NSD2: variants seen among roughly 807,000 people sequenced by gnomAD.
NSD2 encodes the protein histone-lysine N-methyltransferase NSD2.
NSD2 carries 12 observed loss-of-function variants against 139.0 expected under a neutral mutation model. The observed-to-expected ratio is 0.09, with a 90% CI of 0.06 to 0.14. The LOEUF (loss-of-function observed/expected upper bound fraction) is 0.14, where lower values mean the gene tolerates loss of function less well. Among genes scored for constraint, NSD2 ranks in the 10% least tolerant of loss-of-function variants. The probability of loss-of-function intolerance (pLI) is 1.00; values close to 1 mark genes in which losing one functional copy is unlikely to be tolerated. For missense variants in NSD2, 1,155 were observed against 1,745.0 expected, an observed-to-expected ratio of 0.66 and a Z score of 6.02; for synonymous variants, 669 against 648.7, an observed-to-expected ratio of 1.03 and a Z score of -0.48.
At chr4:1,913,490 G>T (rs151137416) in intron 3 of NSD2, among the ~76,000 whole-genome samples, 38 of 152,312 alleles carry the variant, frequency 2.5e-4, no homozygotes, top group South Asian at 4.1e-4. Flanking sequence ...TTCATGTTCC[G>T]CCCTGTACAT....
intron 9 of NSD2, chr4:1,946,277 A>G: frequency 1.1e-6 from 1 of 921,418 alleles, no homozygotes; most frequent in African/African-American, 1.8e-5. Flanking sequence ...TTATTTATTT[A>G]TTTAGAGACA....
chr4:1,933,706 T>TTCA (rs1364625902), intron 6 of NSD2, among the ~76,000 whole-genome samples: 1 of 152,166 alleles, frequency 6.6e-6, no homozygotes, highest in Non-Finnish European at 1.5e-5. Context: ...GCAAGATGTT[T>TTCA]TATGAAGAGT....
chr4:1,949,626 G>A (rs912329274), intron 9 of NSD2, among the ~76,000 whole-genome samples: 1 of 152,166 alleles, frequency 6.6e-6, no homozygotes, highest in African/African-American at 2.4e-5. Context: ...AGCCGGACTT[G>A]TTGGCAGGTG....
chr4:1,911,407 A>G (rs2108780905), intron 3 of NSD2, among the ~76,000 whole-genome samples: 1 of 151,988 alleles, frequency 6.6e-6, no homozygotes, highest in African/African-American at 2.4e-5. Context: ...GGCCAACGTG[A>G]TGAAACCCTG....
chr4:1,960,002 A>G (rs1725209845), intron 17 of NSD2, among the ~76,000 whole-genome samples: 1 of 152,054 alleles, frequency 6.6e-6, no homozygotes, highest in African/African-American at 2.4e-5. Context: ...CTGGGACTAC[A>G]GGCGTGTTTG....
At chr4:1,978,091 C>G (rs1382892829) in intron 21 of NSD2, among the ~76,000 whole-genome samples, 2 of 151,910 alleles carry the variant, frequency 1.3e-5, no homozygotes, top group East Asian at 3.9e-4. Context: ...TGCGCCACTG[C>G]TCTCCAGCCT....
intron 6 of NSD2, 79 bp from the exon 7 acceptor site, chr4:1,935,065 C>T (rs1577484066): frequency 1.1e-5 from 12 of 1,099,920 alleles, no homozygotes; most frequent in Middle Eastern, 4.1e-4. Context: ...GTTGAATGCC[C>T]TGGGTAGGTT....
At chr4:1,953,860 C>G (rs1266692690) in intron 12 of NSD2, among the ~76,000 whole-genome samples, 1 of 151,036 alleles carries the variant, frequency 6.6e-6, no homozygotes, top group African/African-American at 2.4e-5. Context: ...AGTGCAGTCA[C>G]AGCTCACTGC....
Position 1,978,648 on chromosome 4 carries a change from A to G in NSD2, c.3837A>G (p.Glu1279=), listed in dbSNP as rs146059943. Residue 1279 remains glutamate (E), a synonymous_variant, in exon 22 of 22, where the codon GAA becomes GAG. Transcript: ENST00000508803. ...GLGKRPFGKW[E]CPWHHCDVCG... ...TGTGTTCTGTTGCAGGGAAGTGGGA[A>G]TGTCCTTGGCATCATTGTGACGTGT... 7.2e-5 allele frequency: 116 copies of G among 1,607,618 alleles called. No individual in the cohort carries two copies. Among genetic ancestry groups the G allele is most frequent in the African/African-American group, 1.5e-4 (11 of 74,968 alleles).
At chr4:1,900,198 C>A (rs1451424996) in intron 1 of NSD2, among the ~76,000 whole-genome samples, 2 of 152,184 alleles carry the variant, frequency 1.3e-5, no homozygotes, top group African/African-American at 4.8e-5. Context: ...TGCTTTTATG[C>A]TATTCCCTGT....
At chr4:1,952,064 A>C (rs767679424) in intron 10 of NSD2, 44 bp from the exon 11 acceptor site, 4 of 1,602,562 alleles carry the variant, frequency 2.5e-6, no homozygotes, top group Non-Finnish European at 2.6e-6. Context: ...GAGGTGCAGA[A>C]GGGACTGCCG....
chr4:1,917,949 C>G (rs1719620850), intron 4 of NSD2, among the ~76,000 whole-genome samples, 192 bp from the exon 5 acceptor site: 1 of 151,200 alleles, frequency 6.6e-6, no homozygotes, highest in Non-Finnish European at 1.5e-5. Flanking sequence ...CCTGGCTTAT[C>G]TTTTGTATTT....
chr4:1,873,639 A>AT (rs1714033814), intron 1 of NSD2, among the ~76,000 whole-genome samples: 1 of 152,240 alleles, frequency 6.6e-6, no homozygotes, highest in South Asian at 2.1e-4. Context: ...GCCTATTCAG[A>AT]TTATCTTCTC....
At chr4:1,964,732 C>T (rs1163016460) in intron 18 of NSD2, among the ~76,000 whole-genome samples, 6 of 152,150 alleles carry the variant, frequency 3.9e-5, no homozygotes, top group Non-Finnish European at 8.8e-5. Context: ...AATTGCCCCC[C>T]TCTTTCATTT....
chr4:1,946,671 G>A, intron 9 of NSD2: 1 of 1,037,562 alleles, frequency 9.6e-7, no homozygotes, highest in Non-Finnish European at 1.2e-6. Context: ...ATTGTTTTAT[G>A]TAGAATGTTA....
chr4:1,880,683 G>A (rs1383034712), intron 1 of NSD2, among the ~76,000 whole-genome samples: 3 of 151,810 alleles, frequency 2.0e-5, no homozygotes, highest in African/African-American at 7.3e-5. Context: ...AGGAAATACA[G>A]GGGCAAGAGA....
Position 1,981,927 on chromosome 4 carries a change from C to G in NSD2, c.*3018C>G. 2.5e-6 allele frequency: 1 copy of G among 398,578 alleles called. No individual in the cohort carries two copies. Among genetic ancestry groups the G allele is most frequent in the Non-Finnish European group, 4.4e-6 (1 of 226,068 alleles). 24.7% of individuals were successfully genotyped at this position (398,578 alleles called of 1,614,324 possible). Reference sequence around the variant, plus strand: ...ATACCCTGTTGAGGTGTGAAATGCCCCGTCAGAAATTAAATACAAACTTAA... The same window carrying G: ...ATACCCTGTTGAGGTGTGAAATGCCGCGTCAGAAATTAAATACAAACTTAA... On this transcript the variant is annotated 3_prime_UTR_variant, in exon 22 of 22. Transcript: ENST00000508803.
At chr4:1,936,257 C>T (rs940045469) in intron 7 of NSD2, among the ~76,000 whole-genome samples, 1 of 152,310 alleles carries the variant, frequency 6.6e-6, no homozygotes, top group Admixed American at 6.5e-5. Flanking sequence ...AGACGTGAGC[C>T]CTTTTCCTAG....
intron 9 of NSD2, chr4:1,940,988 G>A: frequency 9.4e-7 from 1 of 1,058,594 alleles, no homozygotes; most frequent in Non-Finnish European, 1.1e-6. Context: ...GGTGGGACTG[G>A]GGCTGCTTTA....
Sources: gnomAD v4.1 joint callset for allele counts (sites outside exome capture counted in the v4.1 genomes callset) on GRCh38, gnomAD v4.1.1 for gene constraint, MANE v1.5 for transcripts, NCBI Gene and HGNC (gene_info 2026-07-23, HGNC 2026-07-21) for gene names.